The following SPAG16 variants were observed in gnomAD, a reference collection of about 807,000 sequenced individuals.
The protein encoded by SPAG16 is sperm associated antigen 16, also known as sperm-associated antigen 16 protein.
SPAG16 carries 86 observed loss-of-function variants against 80.4 expected under a neutral mutation model. The ratio of observed to expected loss-of-function variants is 1.07; its 90% CI spans 0.90 to 1.28. The LOEUF (loss-of-function observed/expected upper bound fraction) is 1.28. SPAG16 is among the 50% of genes most tolerant of loss of function. The pLI, the probability that SPAG16 is intolerant of heterozygous loss-of-function variation, is 0.00. For synonymous variants in SPAG16, 294 were observed against 265.9 expected, an observed-to-expected ratio of 1.11 and a Z score of -1.03; for missense variants, 870 against 765.3, an observed-to-expected ratio of 1.14 and a Z score of -1.61.
chr2:213,905,074 T>G (rs1161523990), intron 11 of SPAG16, among the ~76,000 whole-genome samples: 1 of 152,192 alleles, frequency 6.6e-6, no homozygotes, highest in Non-Finnish European at 1.5e-5. Flanking sequence ...ATTTAATGCT[T>G]GGAATTTGGT....
chr2:213,944,837 A>G (rs982457655), intron 12 of SPAG16, among the ~76,000 whole-genome samples: 5 of 152,102 alleles, frequency 3.3e-5, no homozygotes, highest in African/African-American at 1.2e-4. Context: ...GCCTTTATAA[A>G]AAGAGACATG....
chr2:213,371,095 G>A (rs566206791), intron 8 of SPAG16, among the ~76,000 whole-genome samples: 2 of 152,170 alleles, frequency 1.3e-5, no homozygotes, highest in African/African-American at 4.8e-5. Context: ...CTAAAACTTG[G>A]TATCCTACTT....
chr2:213,392,404 A>T (rs756030318), intron 9 of SPAG16, among the ~76,000 whole-genome samples: 1 of 152,230 alleles, frequency 6.6e-6, no homozygotes, highest in Non-Finnish European at 1.5e-5. Flanking sequence ...ATTTGTAAAT[A>T]TTACACCAAA....
At chr2:213,686,674 CTTTT>C (rs748200040) in intron 10 of SPAG16, among the ~76,000 whole-genome samples, 5,347 of 86,228 alleles carry the variant, frequency 0.062, 411 homozygotes, top group African/African-American at 0.2. Context: ...ATTAATCCAC[CTTTT>C]TTTTTTTTTT....
At position 213,641,987 on chromosome 2, in the gene SPAG16, G is replaced by A. The variant is rs369629742; in HGVS notation, c.1070+151897G>A. On this transcript the variant is annotated intron_variant, in intron 10 of 15. Transcript: ENST00000331683. ...TAAGTCACTCACTATCATGAGAACA[G>A]CATGGGGAAACCATCCACTTGATCC... 2.0e-5 allele frequency among the ~76,000 whole-genome samples: 3 copies of A among 152,320 alleles called. No homozygotes were observed. In the East Asian group the frequency reaches 5.8e-4, roughly 29 times the overall value.
rs2062843533 is a variant in SPAG16, at chr2:213,303,928, TCTTA to T, written c.280-6127_280-6124del. Among the ~76,000 whole-genome samples, 3 of 152,082 alleles carry T rather than the reference TCTTA, an allele frequency of 2.0e-5. No homozygotes were observed. The South Asian group carries it at 6.2e-4, about 31-fold the overall frequency. ...GGATTGCTGAATCATATTAAATAAC[TCTTA>T]CTTTTAGTTTTTTTGGGGAACATCT... On this transcript the variant is annotated intron_variant, in intron 3 of 15. Coordinates refer to ENST00000331683, the MANE Select transcript of SPAG16 (RefSeq NM_024532.5).
At chr2:214,091,638 A>G (rs903530805) in intron 13 of SPAG16, among the ~76,000 whole-genome samples, 1 of 152,152 alleles carries the variant, frequency 6.6e-6, no homozygotes, top group South Asian at 2.1e-4. Flanking sequence ...TAATCTTGCT[A>G]TACATTAGTC....
chr2:213,802,862 G>C (rs938101102), intron 10 of SPAG16, among the ~76,000 whole-genome samples: 1 of 151,738 alleles, frequency 6.6e-6, no homozygotes, highest in African/African-American at 2.4e-5. Context: ...AAAAAAAGTA[G>C]ACTAAAATTG....
intron 12 of SPAG16, among the ~76,000 whole-genome samples, chr2:214,004,630 G>A (rs915212717): frequency 6.6e-6 from 1 of 152,054 alleles, no homozygotes; most frequent in East Asian, 1.9e-4. Flanking sequence ...AGGTGTCCGC[G>A]GCTTATCATC....
chr2:214,166,784 G>A (rs2056673615), intron 15 of SPAG16, among the ~76,000 whole-genome samples: 1 of 151,982 alleles, frequency 6.6e-6, no homozygotes, highest in Non-Finnish European at 1.5e-5. Context: ...TTTGCCTTTT[G>A]TTCTAAATTT....
chr2:213,319,386 G>A (rs2063526122), intron 5 of SPAG16, among the ~76,000 whole-genome samples: 1 of 151,892 alleles, frequency 6.6e-6, no homozygotes, highest in African/African-American at 2.4e-5. Flanking sequence ...TTGTAGAAAT[G>A]TTTTTGCAAG....
rs571703895 is a variant in SPAG16, at chr2:213,787,000, C to T, written c.1071-75485C>T. On this transcript the variant is annotated intron_variant, in intron 10 of 15. Transcript: ENST00000331683. The stretch of plus-strand genomic sequence containing the variant: ...ATTTATTAGTAAAATTGATTACCAA[C>T]ATTTTTGTGTGAAAGGTCTAAGAAA... 3.3e-5 allele frequency among the ~76,000 whole-genome samples: 5 copies of T among 152,198 alleles called. No individual in the cohort carries two copies. In the South Asian group the frequency reaches 8.3e-4, roughly 25 times the overall value.
intron 14 of SPAG16, among the ~76,000 whole-genome samples, chr2:214,121,053 T>G (rs1317499665): frequency 6.6e-6 from 1 of 151,802 alleles, no homozygotes; most frequent in Admixed American, 6.6e-5. Context: ...AGCTAGCAAT[T>G]GTCTTGGGGA....
chr2:214,153,158 C>A (rs755296915), intron 15 of SPAG16, among the ~76,000 whole-genome samples: 3 of 152,000 alleles, frequency 2.0e-5, no homozygotes, highest in Non-Finnish European at 2.9e-5. Context: ...ATTTCGCTAC[C>A]GCTAGACCAC....
intron 9 of SPAG16, among the ~76,000 whole-genome samples, chr2:213,421,696 C>A (rs2125439679): frequency 6.6e-6 from 1 of 152,276 alleles, no homozygotes; most frequent in African/African-American, 2.4e-5. Context: ...CCCAGATGGA[C>A]CCAGCCAGAC....
intron 11 of SPAG16, among the ~76,000 whole-genome samples, chr2:213,896,579 TACACACACACACGCACACACACAC>T (rs2076997844): frequency 1.2e-5 from 1 of 82,860 alleles, no homozygotes; most frequent in Non-Finnish European, 2.6e-5. Flanking sequence ...ATGTGATATA[TACACACACACACGCACACACACAC>T]ACACACACAC....
chr2:213,813,509 C>T (rs766523863), intron 10 of SPAG16, among the ~76,000 whole-genome samples: 1 of 152,102 alleles, frequency 6.6e-6, no homozygotes, highest in African/African-American at 2.4e-5. Context: ...ACCCACCTCT[C>T]ATTGAAGCAA....
chr2:213,904,666 A>G (rs6718201), intron 11 of SPAG16, among the ~76,000 whole-genome samples: 87,602 of 149,848 alleles, frequency 0.58, 27,436 homozygotes, highest in South Asian at 0.84. Context: ...ACTGGAATTT[A>G]GATAGGCCTC....
intron 10 of SPAG16, among the ~76,000 whole-genome samples, chr2:213,699,372 C>T (rs2065304640): frequency 1.3e-5 from 2 of 152,124 alleles, no homozygotes; most frequent in African/African-American, 4.8e-5. Context: ...TTACTGTTTA[C>T]TTTTTCATTA....
Sources: allele counts gnomAD v4.1 joint callset (sites outside exome capture counted in the v4.1 genomes callset), GRCh38; gene constraint gnomAD v4.1.1; transcripts MANE v1.5; gene names NCBI Gene and HGNC (gene_info 2026-07-23, HGNC 2026-07-21).